HIVEP2: variants seen among roughly 807,000 people sequenced by gnomAD.
HIVEP2 encodes the protein transcription factor HIVEP2.
Under a neutral mutation model 180.7 loss-of-function variants are expected in HIVEP2, and 14 were observed. The ratio of observed to expected loss-of-function variants is 0.08; its 90% CI spans 0.05 to 0.12. The LOEUF is 0.12. HIVEP2 is among the 10% of genes least tolerant of loss of function. The pLI is 1.00. For missense variants in HIVEP2, 2,579 were observed against 3,008.5 expected, an observed-to-expected ratio of 0.86 and a Z score of 3.34; for synonymous variants, 1,184 against 1,136.4, an observed-to-expected ratio of 1.04 and a Z score of -0.84.
At chr6:142,917,161 A>G (rs1375419095) in intron 1 of HIVEP2, among the ~76,000 whole-genome samples, 1 of 152,240 alleles carries the variant, frequency 6.6e-6, no homozygotes, top group Non-Finnish European at 1.5e-5. Context: ...TCTTATTCCA[A>G]TAGTCCAAAA....
chr6:142,817,038 G>A (rs1776860394), intron 2 of HIVEP2, among the ~76,000 whole-genome samples: 1 of 152,074 alleles, frequency 6.6e-6, no homozygotes. Context: ...GGGCATGAGA[G>A]GACTTAAGAA....
chr6:142,909,933 A>C (rs7775518), intron 1 of HIVEP2, among the ~76,000 whole-genome samples: 2,092 of 152,286 alleles, frequency 0.014, 30 homozygotes, highest in African/African-American at 0.031. Context: ...TTTGATCTTT[A>C]AGATCTTGCT....
intron 2 of HIVEP2, among the ~76,000 whole-genome samples, chr6:142,787,460 A>G (rs1010155511): frequency 6.6e-6 from 1 of 152,092 alleles, no homozygotes; most frequent in Non-Finnish European, 1.5e-5. Flanking sequence ...AAAAGATTCA[A>G]AAGTAGTGAC....
chr6:142,939,627 A>T (rs1778129868), intron 1 of HIVEP2, among the ~76,000 whole-genome samples: 1 of 152,218 alleles, frequency 6.6e-6, no homozygotes, highest in Admixed American at 6.5e-5. Flanking sequence ...CTCTCATAAG[A>T]ACCCTCTAAT....
At chr6:142,889,587 A>T (rs920151252) in intron 1 of HIVEP2, among the ~76,000 whole-genome samples, 1 of 152,176 alleles carries the variant, frequency 6.6e-6, no homozygotes, top group African/African-American at 2.4e-5. Context: ...TAGTCTTATC[A>T]AATCTTAGGC....
intron 1 of HIVEP2, among the ~76,000 whole-genome samples, chr6:142,865,912 A>G (rs944889985): frequency 6.6e-6 from 1 of 152,210 alleles, no homozygotes; most frequent in Non-Finnish European, 1.5e-5. Flanking sequence ...CCATCCCAAG[A>G]CAGCCTCTTC....
chr6:142,931,088 A>G (rs1257087388), intron 1 of HIVEP2, among the ~76,000 whole-genome samples: 1 of 152,148 alleles, frequency 6.6e-6, no homozygotes, highest in Admixed American at 6.5e-5. Context: ...GTTCTATCAA[A>G]TATGTGACCA....
chr6:142,820,362 A>G (rs1776998638), intron 2 of HIVEP2, among the ~76,000 whole-genome samples: 1 of 149,726 alleles, frequency 6.7e-6, no homozygotes, highest in Non-Finnish European at 1.5e-5. Context: ...CCAGTTTAAA[A>G]ATATAATTGG....
rs1212181564 is a variant in HIVEP2, at chr6:142,774,393, G to A, written c.346C>T (p.His116Tyr). ...CACGGAGGACCTTCGAGGCTCTGAT[G>A]TGGCTTGGTGCTGTGCATGACCCCC... is the stretch of plus-strand genomic sequence containing the variant. ...PQGVMHSTKPHQSLEGPPWLF... is the reference protein window; with the variant it reads ...PQGVMHSTKPYQSLEGPPWLF... The change falls in exon 5 of 10, where the codon CAT (histidine) becomes TAT (tyrosine). Residue 116 changes from histidine (H) to tyrosine (Y), a missense_variant. His to Tyr is a moderately conservative substitution (Grantham distance 83). Transcript: ENST00000367603. This position sits in a 1 kb window ranked among gnomAD's most constrained non-coding sequence, Gnocchi z 5.1. 2 of 1,614,104 alleles carry A rather than the reference G, an allele frequency of 1.2e-6. No homozygotes were observed. Among genetic ancestry groups the A allele is most frequent in the African/African-American group, 1.3e-5 (1 of 74,942 alleles).
At position 142,772,010 on chromosome 6, in the gene HIVEP2, T is replaced by C; in HGVS notation, c.2729A>G (p.Glu910Gly). The C allele has an allele frequency of 2.4e-5, 39 of 1,614,196 alleles. No individual in the cohort carries two copies. Among genetic ancestry groups the C allele is most frequent in the Non-Finnish European group, 3.3e-5 (39 of 1,180,026 alleles). Residue 910 changes from glutamate (E) to glycine (G), a missense_variant, in exon 5 of 10, where the codon GAG becomes GGG. Around this residue, in one of 11 missense-constraint regions of HIVEP2, gnomAD observed 51 missense variants for 102.8 expected, o/e 0.50. Transcript: ENST00000367603. The surrounding 1 kb of genome is among the most constrained non-coding windows in gnomAD (Gnocchi z 4.9). ...AAATTCTTCCACAGGCTTCTCTGGCTCTTTGCTCTGGGCTTCCTTCTCCTT... is the reference window on the plus strand; with the variant it reads ...AAATTCTTCCACAGGCTTCTCTGGCCCTTTGCTCTGGGCTTCCTTCTCCTT... ...PEKEKEAQSK[E>G]PEKPVEEFQW...
chr6:142,845,545 T>C (rs2114908410), intron 1 of HIVEP2, among the ~76,000 whole-genome samples: 1 of 152,316 alleles, frequency 6.6e-6, no homozygotes, highest in African/African-American at 2.4e-5. Flanking sequence ...GCTTTTAGAA[T>C]TACACATGGA....
intron 1 of HIVEP2, among the ~76,000 whole-genome samples, chr6:142,860,299 T>C (rs1294085620): frequency 6.6e-6 from 1 of 152,100 alleles, no homozygotes; most frequent in Non-Finnish European, 1.5e-5. Flanking sequence ...AGAATTTAAA[T>C]AAATTATTAA....
intron 1 of HIVEP2, among the ~76,000 whole-genome samples, chr6:142,924,404 T>C (rs1242411029): frequency 6.6e-6 from 1 of 152,176 alleles, no homozygotes; most frequent in African/African-American, 2.4e-5. Flanking sequence ...AAAGACAAAC[T>C]CTGCCTTTAT....
chr6:142,800,115 A>G (rs1776368937), intron 2 of HIVEP2, among the ~76,000 whole-genome samples: 2 of 152,178 alleles, frequency 1.3e-5, no homozygotes, highest in East Asian at 1.9e-4. Context: ...GCAGCAAAAA[A>G]CACTGAAAAT....
intron 1 of HIVEP2, among the ~76,000 whole-genome samples, chr6:142,873,651 T>G (rs538587503): frequency 6.6e-6 from 1 of 152,304 alleles, no homozygotes; most frequent in East Asian, 1.9e-4. Flanking sequence ...TTGCGTATAC[T>G]GAATCTGGCA....
At chr6:142,892,855 C>G (rs1776893489) in intron 1 of HIVEP2, among the ~76,000 whole-genome samples, 1 of 152,144 alleles carries the variant, frequency 6.6e-6, no homozygotes, top group Admixed American at 6.5e-5. Flanking sequence ...GGACTGAGCT[C>G]TACAGTTATC....
intron 1 of HIVEP2, among the ~76,000 whole-genome samples, chr6:142,882,626 A>AG (rs367638416): frequency 1.6e-5 from 2 of 126,300 alleles, no homozygotes; most frequent in South Asian, 3.0e-4. Flanking sequence ...AAAAACAGAA[A>AG]GGGGGGGAGG....
chr6:142,927,825 G>A (rs1243673282), intron 1 of HIVEP2, among the ~76,000 whole-genome samples: 1 of 152,208 alleles, frequency 6.6e-6, no homozygotes, highest in Non-Finnish European at 1.5e-5. Flanking sequence ...TTGTAGAGAA[G>A]CTGTGGCTTA....
At chr6:142,904,469 G>C (rs553840747) in intron 1 of HIVEP2, among the ~76,000 whole-genome samples, 1 of 152,092 alleles carries the variant, frequency 6.6e-6, no homozygotes, top group African/African-American at 2.4e-5. Flanking sequence ...GCAAAATTAA[G>C]CCTATGAGAA....
Sources: allele counts gnomAD v4.1 joint callset (sites outside exome capture counted in the v4.1 genomes callset), GRCh38; gene constraint gnomAD v4.1.1; regional missense constraint gnomAD v4.1.1; non-coding constraint Gnocchi (gnomAD v3.1); transcripts MANE v1.5; gene names NCBI Gene and HGNC (gene_info 2026-07-23, HGNC 2026-07-21).